MARK3: variants seen among roughly 807,000 people sequenced by gnomAD.
MARK3 encodes the protein microtubule affinity regulating kinase 3, also known as MAP/microtubule affinity-regulating kinase 3.
MARK3 carries 46 observed loss-of-function variants against 90.1 expected under a neutral mutation model. That is an observed-to-expected ratio of 0.51 (90% CI 0.40 to 0.65). The LOEUF is 0.65. Among genes scored for constraint, MARK3 ranks in the 30% least tolerant of loss-of-function variants. MARK3 has a pLI of 0.00. For missense variants in MARK3, 818 were observed against 947.2 expected (o/e 0.86, Z 1.79); for synonymous variants, 321 against 332.6 (o/e 0.97, Z 0.38).
At chr14:103,447,475 G>T (rs187265863) in intron 3 of MARK3, among the ~76,000 whole-genome samples, 2 of 152,062 alleles carry the variant, frequency 1.3e-5, no homozygotes, top group African/African-American at 2.4e-5. Flanking sequence ...GTTTTTCCCC[G>T]CTTTTGCCTC....
intron 15 of MARK3, among the ~76,000 whole-genome samples, chr14:103,496,274 T>A (rs1424798954): frequency 6.6e-6 from 1 of 152,096 alleles, no homozygotes; most frequent in Non-Finnish European, 1.5e-5. Flanking sequence ...GTAACCCTGA[T>A]TTTTCCGGTG....
In MARK3 at chr14:103,391,693, G is replaced by A. The variant is rs182755083; in HGVS notation, c.51+5613G>A. Among the ~76,000 whole-genome samples, 121 of 141,402 alleles carry A rather than the reference G, an allele frequency of 8.6e-4. 1 individual carries two copies. Among genetic ancestry groups the A allele is most frequent in the East Asian group, 4.2e-4 (2 of 4,802 alleles). 92.8% of individuals were successfully genotyped at this position (141,402 alleles called of 152,430 possible). On this transcript the variant is annotated intron_variant, in intron 1 of 17. Coordinates refer to ENST00000429436, the MANE Select transcript of MARK3 (RefSeq NM_001128918.3). ...CGAGTAGCTGGGATTACAGGCTCCC[G>A]CCACCATGCCTGGCTATTTTTTTTT...
chr14:103,442,133 C>T (rs1033598690), intron 3 of MARK3, among the ~76,000 whole-genome samples: 2 of 152,102 alleles, frequency 1.3e-5, no homozygotes, highest in Non-Finnish European at 2.9e-5. Context: ...CTTTGGGAGG[C>T]TGAGGTGGGC....
At chr14:103,485,170 C>T (rs540509051) in intron 14 of MARK3, among the ~76,000 whole-genome samples, 196 of 140,100 alleles carry the variant, frequency 1.4e-3, no homozygotes, top group African/African-American at 4.9e-3. Flanking sequence ...GCAGAGGTTG[C>T]GGTGAGCCAA....
Position 103,503,811 on chromosome 14 carries a change from A to C in MARK3, c.*584A>C, listed in dbSNP as rs1194035684. The C allele has an allele frequency of 1.3e-5, 2 of 153,042 alleles. No homozygotes were observed. Among genetic ancestry groups the C allele is most frequent in the African/African-American group, 4.8e-5 (2 of 41,454 alleles). 9.5% of individuals were successfully genotyped at this position (153,042 alleles called of 1,614,324 possible). On this transcript the variant is annotated 3_prime_UTR_variant, in exon 18 of 18. Coordinates refer to ENST00000429436, the MANE Select transcript of MARK3 (RefSeq NM_001128918.3). ...AAGTAGATTCACAAGATAATTAAAA[A>C]TTCACTTTTTCTCAGTAAAATCTTG... is the stretch of plus-strand genomic sequence containing the variant.
intron 2 of MARK3, among the ~76,000 whole-genome samples, chr14:103,421,876 G>T (rs967043954): frequency 3.9e-5 from 6 of 152,008 alleles, no homozygotes; most frequent in Admixed American, 2.0e-4. Context: ...CCTCATTATG[G>T]TTATGAAAAT....
intron 3 of MARK3, among the ~76,000 whole-genome samples, chr14:103,447,064 G>C (rs1595718837): frequency 6.6e-6 from 1 of 152,160 alleles, no homozygotes; most frequent in East Asian, 1.9e-4. Flanking sequence ...CTTCAAAAAT[G>C]AGACAGTATT....
chr14:103,436,706 G>C (rs1255526197), intron 3 of MARK3, among the ~76,000 whole-genome samples: 1 of 152,140 alleles, frequency 6.6e-6, no homozygotes, highest in African/African-American at 2.4e-5. Context: ...TGGAACTTCT[G>C]GGCTTAAGCA....
At chr14:103,454,212 A>G (rs1462631456) in intron 5 of MARK3, among the ~76,000 whole-genome samples, 2 of 151,494 alleles carry the variant, frequency 1.3e-5, no homozygotes, top group African/African-American at 2.4e-5. Flanking sequence ...AGAGCCTTTA[A>G]TCATTTAATC....
intron 12 of MARK3, among the ~76,000 whole-genome samples, chr14:103,472,829 A>AC (rs747656641): frequency 1.2e-4 from 18 of 151,666 alleles, no homozygotes; most frequent in Non-Finnish European, 1.8e-4. Context: ...ACATGGTGAA[A>AC]CCCCGTCTCT....
chr14:103,397,098 G>A (rs941517986), intron 1 of MARK3, among the ~76,000 whole-genome samples: 1 of 151,964 alleles, frequency 6.6e-6, no homozygotes, highest in Admixed American at 6.6e-5. Context: ...CTAGAAAATT[G>A]AAAATTACAT....
At chr14:103,397,688 A>G (rs1347495855) in intron 1 of MARK3, among the ~76,000 whole-genome samples, 3 of 152,310 alleles carry the variant, frequency 2.0e-5, no homozygotes, top group Middle Eastern at 3.4e-3. Context: ...GGATTAGACA[A>G]GTAAATTATT....
chr14:103,498,719 C>A, intron 16 of MARK3, 191 bp downstream of exon 16: 1 of 395,868 alleles, frequency 2.5e-6, no homozygotes, highest in Non-Finnish European at 4.2e-6. Flanking sequence ...TTTAAAGGGA[C>A]TATGGTACCC....
In MARK3 at chr14:103,491,691, T is replaced by C; in HGVS notation, c.1587-86T>C. 2.1e-6 allele frequency: 3 copies of C among 1,437,260 alleles called. No individual in the cohort carries two copies. In the Admixed American group the frequency reaches 6.2e-5, roughly 30 times the overall value. The allele number at this position is 1,437,260 out of a possible 1,614,324, so 89.0% of individuals were successfully genotyped here. On this transcript the variant is annotated intron_variant, in intron 14 of 17. Coordinates refer to ENST00000429436, the MANE Select transcript of MARK3 (RefSeq NM_001128918.3). ...TGGATCTGGATTTTTTATACCCGAT[T>C]TTCTCCACTGTGTATAAAAGGTATA...
intron 15 of MARK3, among the ~76,000 whole-genome samples, chr14:103,498,086 G>A (rs187095739): frequency 5.3e-5 from 8 of 152,064 alleles, no homozygotes; most frequent in African/African-American, 9.6e-5. Context: ...GCATGGTGGC[G>A]CGCGCCTGTG....
chr14:103,426,209 A>G (rs1020704390), intron 2 of MARK3, among the ~76,000 whole-genome samples: 1 of 152,084 alleles, frequency 6.6e-6, no homozygotes, highest in Non-Finnish European at 1.5e-5. Context: ...AAAATTTCAT[A>G]CAAATATATT....
chr14:103,454,315 C>G (rs1455617383), intron 5 of MARK3, among the ~76,000 whole-genome samples: 2 of 151,908 alleles, frequency 1.3e-5, no homozygotes, highest in Non-Finnish European at 2.9e-5. Context: ...TGCAGTGGCG[C>G]CATCTCAGCT....
intron 5 of MARK3, among the ~76,000 whole-genome samples, chr14:103,454,564 T>G (rs2141383609): frequency 6.6e-6 from 1 of 152,300 alleles, no homozygotes; most frequent in African/African-American, 2.4e-5. Flanking sequence ...TAACAGTGTT[T>G]TGTTGAGTTT....
At chr14:103,500,081 G>A in intron 16 of MARK3, 75 bp from the exon 17 acceptor site, 1 of 1,115,386 alleles carries the variant, frequency 9.0e-7, no homozygotes. Context: ...TGTTGGTATT[G>A]GTGGTCATGT....
Sources: gnomAD v4.1 joint callset for allele counts (sites outside exome capture counted in the v4.1 genomes callset) on GRCh38, gnomAD v4.1.1 for gene constraint, MANE v1.5 for transcripts, NCBI Gene and HGNC (gene_info 2026-07-23, HGNC 2026-07-21) for gene names.